Variants in CREBBP observed in about 807,000 individuals in gnomAD.
CREBBP encodes CREB-binding protein.
Under a neutral mutation model 265.0 loss-of-function variants are expected in CREBBP, and 19 were observed. The observed-to-expected ratio is 0.07, with a 90% CI of 0.05 to 0.11. The LOEUF (loss-of-function observed/expected upper bound fraction) is 0.11, where lower values mean the gene tolerates loss of function less well. Among genes scored for constraint, CREBBP ranks in the 10% least tolerant of loss-of-function variants. The pLI is 1.00. For missense variants in CREBBP, 2,525 were observed against 3,219.0 expected (o/e 0.78, Z 5.22); for synonymous variants, 1,457 against 1,223.7 (o/e 1.19, Z -3.98).
chr16:3,799,212 T>C (rs538157332), intron 3 of CREBBP, among the ~76,000 whole-genome samples: 118 of 152,300 alleles, frequency 7.7e-4, no homozygotes, highest in African/African-American at 2.5e-3. Context: ...AGGTTTCTCT[T>C]TGGAGTGGTG....
chr16:3,750,561 AAC>A (rs2052450325), intron 20 of CREBBP, among the ~76,000 whole-genome samples: 1 of 152,222 alleles, frequency 6.6e-6, no homozygotes, highest in Non-Finnish European at 1.5e-5. Flanking sequence ...ATGAGTTGAT[AAC>A]ACAATTTGTG....
At chr16:3,765,221 C>CT (rs2052822026) in intron 16 of CREBBP, among the ~76,000 whole-genome samples, 1 of 152,220 alleles carries the variant, frequency 6.6e-6, no homozygotes, top group African/African-American at 2.4e-5. Context: ...CGTGATCTGC[C>CT]TGCCTTGGCC....
intron 16 of CREBBP, among the ~76,000 whole-genome samples, chr16:3,766,985 T>TC (rs2052869281): frequency 6.6e-6 from 1 of 152,186 alleles, no homozygotes; most frequent in South Asian, 2.1e-4. Context: ...GGTCTCAGTC[T>TC]CTAACATTTC....
At chr16:3,851,055 C>T in intron 1 of CREBBP, 46 bp from the exon 2 acceptor site, 1 of 1,532,826 alleles carries the variant, frequency 6.5e-7, no homozygotes, top group African/African-American at 1.4e-5. Flanking sequence ...GCAACCTTTA[C>T]AGCTCTCCAA....
At chr16:3,779,148 C>CA (rs1360432287) in intron 8 of CREBBP, among the ~76,000 whole-genome samples, 1 of 148,058 alleles carries the variant, frequency 6.8e-6, no homozygotes, top group African/African-American at 2.5e-5. Flanking sequence ...GCCTGGGCGA[C>CA]AGAGTCAGAC....
intron 6 of CREBBP, among the ~76,000 whole-genome samples, chr16:3,782,177 T>G (rs2053287414): frequency 6.6e-6 from 1 of 152,156 alleles, no homozygotes; most frequent in South Asian, 2.1e-4. Context: ...TGGCAAATAA[T>G]GGGCTGGGGT....
intron 8 of CREBBP, among the ~76,000 whole-genome samples, chr16:3,779,594 G>C: frequency 6.6e-6 from 1 of 152,214 alleles, no homozygotes; most frequent in Non-Finnish European, 1.5e-5. Context: ...ATACATGAAT[G>C]AAGTTAACTC....
chr16:3,767,706 A>G lies in CREBBP; in HGVS notation c.3250+14T>C. Reference sequence around the variant, plus strand: ...AGCAGCATGCTTTAATAAGGTAATGAATAAATGGCCTACTTTTTTTGCGCG... The same window carrying G: ...AGCAGCATGCTTTAATAAGGTAATGGATAAATGGCCTACTTTTTTTGCGCG... On this transcript the variant is annotated intron_variant, in intron 16 of 30. Transcript: ENST00000262367. 1.9e-6 allele frequency: 3 copies of G among 1,614,272 alleles called. No homozygotes were observed.
Position 3,769,186 on chromosome 16 carries a change from C to G in CREBBP, c.3048G>C (p.Glu1016Asp), listed in dbSNP as rs751808658. The G allele has an allele frequency of 2.8e-5, 45 of 1,614,122 alleles. No individual in the cohort carries two copies. In the South Asian group the frequency reaches 4.1e-4, roughly 15 times the overall value. The change falls in exon 15 of 31, where the codon GAG becomes GAC. Residue 1016 changes from glutamate to aspartate, a missense_variant. Glu to Asp is a conservative substitution (Grantham distance 45, BLOSUM62 2). Coordinates refer to ENST00000262367, the MANE Select transcript of CREBBP (RefSeq NM_004380.3). ...GAGCGGCACCCACCTCAGACCTGGG[C>G]TCCCCTTTGGATTCACCAGGATCGG... is the stretch of plus-strand genomic sequence containing the variant. The part of the protein sequence containing the change: ...TEPDPGESKG[E>D]PRSEMMEEDL...
intron 16 of CREBBP, among the ~76,000 whole-genome samples, chr16:3,760,391 GTTTTTTTT>G (rs35861892): frequency 1.1e-4 from 8 of 75,944 alleles, no homozygotes; most frequent in East Asian, 3.9e-4. Flanking sequence ...TCATGCCCAG[GTTTTTTTT>G]TTTTTTTTTT....
intron 1 of CREBBP, among the ~76,000 whole-genome samples, chr16:3,855,814 C>G (rs905575904): frequency 1.3e-5 from 2 of 152,148 alleles, no homozygotes. Context: ...ACTGAGGTGT[C>G]CAGACACAAA....
At chr16:3,825,358 C>A (rs772207262) in intron 2 of CREBBP, among the ~76,000 whole-genome samples, 4 of 152,146 alleles carry the variant, frequency 2.6e-5, no homozygotes, top group South Asian at 2.1e-4. Context: ...TCAGACCATG[C>A]GCCATTTTTT....
intron 3 of CREBBP, among the ~76,000 whole-genome samples, chr16:3,799,895 C>T (rs1342108071): frequency 1.3e-5 from 2 of 152,158 alleles, no homozygotes; most frequent in African/African-American, 4.8e-5. Context: ...TAACAAAAAG[C>T]TGTTTAAGTG....
chr16:3,768,763 A>G (rs886164408), intron 15 of CREBBP, among the ~76,000 whole-genome samples: 1 of 152,172 alleles, frequency 6.6e-6, no homozygotes, highest in African/African-American at 2.4e-5. Flanking sequence ...TTTTTAAGGT[A>G]TTGTGTGGGC....
At chr16:3,799,729 G>A (rs1205928114) in intron 3 of CREBBP, among the ~76,000 whole-genome samples, 2 of 152,174 alleles carry the variant, frequency 1.3e-5, no homozygotes, top group East Asian at 1.9e-4. Flanking sequence ...AGGCACCCAT[G>A]AAAAATAAGG....
chr16:3,790,699 C>G (rs1220399516), intron 5 of CREBBP, among the ~76,000 whole-genome samples: 2 of 152,112 alleles, frequency 1.3e-5, no homozygotes, highest in South Asian at 2.1e-4. Context: ...TGTAGGGAGG[C>G]AGATAACAGG....
In CREBBP at chr16:3,727,476, G is replaced by GA. The variant is rs1246216543; in HGVS notation, c.*241dup. The GA allele has an allele frequency of 9.5e-5, 12 of 126,596 alleles. No individual in the cohort carries two copies. The highest frequency in any genetic ancestry group is 3.9e-4 in the East Asian group (4 of 10,282). The allele number at this position is 126,596 out of a possible 1,614,324, so 7.8% of individuals were successfully genotyped here. ...CCTCCCCCCAAACAAAAACAAAACG[G>GA]AAAAAAAAGAACCCCCCCCACCCCC... is the stretch of plus-strand genomic sequence containing the variant. On this transcript the variant is annotated 3_prime_UTR_variant, in exon 31 of 31. Transcript: ENST00000262367.
chr16:3,844,212 GAT>G (rs947442761), intron 2 of CREBBP, among the ~76,000 whole-genome samples: 3 of 146,288 alleles, frequency 2.1e-5, no homozygotes, highest in Admixed American at 2.0e-4. Flanking sequence ...ACGTAACACT[GAT>G]ATAAAAATTG....
chr16:3,736,557 T>TAA (rs1283337977), intron 27 of CREBBP, 93 bp downstream of exon 27: 1 of 1,521,082 alleles, frequency 6.6e-7, no homozygotes, highest in Non-Finnish European at 9.1e-7. Flanking sequence ...TAAGTGAAGG[T>TAA]AATTAACAAG....
Sources: allele counts gnomAD v4.1 joint callset (sites outside exome capture counted in the v4.1 genomes callset), GRCh38; gene constraint gnomAD v4.1.1; transcripts MANE v1.5; gene names NCBI Gene and HGNC (gene_info 2026-07-23, HGNC 2026-07-21).